The following TLE4 variants were observed in gnomAD, a reference collection of about 807,000 sequenced individuals.
TLE4 encodes TLE family member 4, transcriptional corepressor, also known as transducin-like enhancer protein 4.
TLE4 carries 8 observed loss-of-function variants against 92.8 expected under a neutral mutation model. That is an observed-to-expected ratio of 0.09 (90% CI 0.05 to 0.16). The LOEUF is 0.16. Ranked by LOEUF, TLE4 falls within the 10% of genes least tolerant of loss-of-function variation. The pLI, the probability that TLE4 is intolerant of heterozygous loss-of-function variation, is 1.00. For synonymous variants in TLE4, 371 were observed against 374.1 expected, an observed-to-expected ratio of 0.99 and a Z score of 0.10; for missense variants, 675 against 997.6, an observed-to-expected ratio of 0.68 and a Z score of 4.36.
At chr9:79,649,421 A>G (rs1177782000) in intron 6 of TLE4, 1 of 171,360 alleles carries the variant, frequency 5.8e-6, no homozygotes, top group African/African-American at 2.4e-5. Context: ...AAAAGTGATT[A>G]AAATATAGTG....
At chr9:79,724,909 C>T (rs2076236230) in intron 19 of TLE4, 128 bp from the exon 20 acceptor site, 1 of 459,006 alleles carries the variant, frequency 2.2e-6, no homozygotes, top group Admixed American at 2.5e-5. Flanking sequence ...GACCACCTTT[C>T]ACCTTTCCTT....
intron 5 of TLE4, among the ~76,000 whole-genome samples, chr9:79,622,550 G>C (rs1012126280): frequency 2.0e-5 from 3 of 152,134 alleles, no homozygotes; most frequent in African/African-American, 7.2e-5. Context: ...TGATTGGGTA[G>C]CATCCTGTAA....
At chr9:79,606,202 T>TG (rs2046874961) in intron 4 of TLE4, among the ~76,000 whole-genome samples, 1 of 116,756 alleles carries the variant, frequency 8.6e-6, no homozygotes, top group Non-Finnish European at 1.8e-5. Flanking sequence ...TTTTTTTTTT[T>TG]TTTTTTTTTT....
intron 4 of TLE4, among the ~76,000 whole-genome samples, chr9:79,594,001 C>T (rs1397159422): frequency 6.6e-6 from 1 of 152,210 alleles, no homozygotes; most frequent in Non-Finnish European, 1.5e-5. Flanking sequence ...CTCAGTTCCT[C>T]ATCCATAAAA....
At chr9:79,689,800 A>G (rs560848906) in intron 8 of TLE4, among the ~76,000 whole-genome samples, 1 of 152,308 alleles carries the variant, frequency 6.6e-6, no homozygotes, top group South Asian at 2.1e-4. Context: ...ATTGATAGCA[A>G]TCACAGTGGC....
chr9:79,671,644 C>G (rs1252132361), intron 8 of TLE4: 1 of 197,186 alleles, frequency 5.1e-6, no homozygotes, highest in Non-Finnish European at 1.1e-5. Flanking sequence ...ACACACATCC[C>G]TGCACTATAA....
chr9:79,684,349 AG>A (rs2065337069), intron 8 of TLE4, among the ~76,000 whole-genome samples: 1 of 152,214 alleles, frequency 6.6e-6, no homozygotes, highest in African/African-American at 2.4e-5. Flanking sequence ...GTTAGAACCC[AG>A]GCTGCACAGC....
intron 6 of TLE4, among the ~76,000 whole-genome samples, chr9:79,636,249 A>G (rs892221442): frequency 1.3e-5 from 2 of 152,148 alleles, no homozygotes; most frequent in African/African-American, 4.8e-5. Context: ...CTTGAGCGCA[A>G]GAGTTCAAGA....
chr9:79,696,413 C>T (rs1460268595), intron 8 of TLE4, among the ~76,000 whole-genome samples: 3 of 152,066 alleles, frequency 2.0e-5, no homozygotes, highest in African/African-American at 4.8e-5. Context: ...CTGTTTAGCC[C>T]TTTTGTGGTG....
intron 3 of TLE4, among the ~76,000 whole-genome samples, chr9:79,575,206 A>G (rs892038921): frequency 2.6e-5 from 4 of 152,200 alleles, no homozygotes; most frequent in African/African-American, 9.7e-5. Flanking sequence ...AAAAATAAAA[A>G]CAAAACCTTG....
intron 4 of TLE4, among the ~76,000 whole-genome samples, chr9:79,597,863 A>G (rs751178168): frequency 2.0e-5 from 3 of 152,160 alleles, no homozygotes; most frequent in Non-Finnish European, 4.4e-5. Flanking sequence ...TGTTCTGAAC[A>G]TTAAGTGAAA....
chr9:79,593,379 A>G (rs185892513), intron 4 of TLE4, among the ~76,000 whole-genome samples: 19 of 152,240 alleles, frequency 1.2e-4, no homozygotes, highest in Admixed American at 9.2e-4. Flanking sequence ...ACTAATTTAT[A>G]GGCAATTTGA....
intron 8 of TLE4, among the ~76,000 whole-genome samples, chr9:79,662,732 T>G (rs2134498011): frequency 6.6e-6 from 1 of 152,240 alleles, no homozygotes; most frequent in East Asian, 1.9e-4. Flanking sequence ...GGCCCCGGGT[T>G]CCTGTCAGTC....
At chr9:79,717,975 T>C (rs976791384) in intron 14 of TLE4, 3 of 456,478 alleles carry the variant, frequency 6.6e-6, no homozygotes, top group Non-Finnish European at 1.3e-5. Context: ...GGGGAGACGC[T>C]CTTACTTAAG....
Position 79,722,585 on chromosome 9 carries a change from C to G in TLE4, c.2121C>G (p.Leu707=). 6.2e-7 allele frequency: 1 copy of G among 1,614,054 alleles called. No individual in the cohort carries two copies. Among genetic ancestry groups the G allele is most frequent in the Non-Finnish European group, 8.5e-7 (1 of 1,179,998 alleles). Residue 707 remains leucine, a synonymous_variant, in exon 18 of 20, where the codon CTC becomes CTG. Transcript: ENST00000376552. ...LHLHESCVLS[L]KFAHCGKWFV... ...TTCATGAGAGCTGTGTGCTGTCGCT[C>G]AAGTTTGCCCATTGTGGTAAGCAAG...
rs779291370 is a variant in TLE4 at position 79,722,940 on chromosome 9, C to G, written c.2138-19C>G. The G allele has an allele frequency of 1.2e-6, 2 of 1,610,980 alleles. No individual in the cohort carries two copies. Among genetic ancestry groups the G allele is most frequent in the Admixed American group, 3.4e-5 (2 of 59,298 alleles). On this transcript the variant is annotated intron_variant, in intron 18 of 19. Transcript: ENST00000376552. ...AGAGTAACACAAACATTGCCTTTTTCAAAACCCTTTACCTATAGGCAAATG... is the reference window on the plus strand; with the variant it reads ...AGAGTAACACAAACATTGCCTTTTTGAAAACCCTTTACCTATAGGCAAATG...
chr9:79,603,987 T>C (rs2046267228), intron 4 of TLE4, among the ~76,000 whole-genome samples: 1 of 152,094 alleles, frequency 6.6e-6, no homozygotes, highest in African/African-American at 2.4e-5. Flanking sequence ...CATTTCCAGG[T>C]GATTAGTATG....
rs753612094 is a variant in TLE4 at position 79,574,867 on chromosome 9, G to C, written c.144-6G>C. On this transcript the variant is annotated splice_region_variant and splice_polypyrimidine_tract_variant and intron_variant, in intron 2 of 19. Coordinates refer to ENST00000376552, the MANE Select transcript of TLE4 (RefSeq NM_007005.6). ...TTGTACTTAGAGTATCTTATGTCTTGAACAGTCTGAAGCTGGAATGTGAGA... is the reference window on the plus strand; with the variant it reads ...TTGTACTTAGAGTATCTTATGTCTTCAACAGTCTGAAGCTGGAATGTGAGA... The C allele has an allele frequency of 6.2e-7, 1 of 1,612,100 alleles. No homozygotes were observed. The highest frequency in any genetic ancestry group is 1.1e-5 in the South Asian group (1 of 90,940).
chr9:79,607,825 G>A (rs2047439413), intron 4 of TLE4, among the ~76,000 whole-genome samples: 1 of 152,048 alleles, frequency 6.6e-6, no homozygotes, highest in South Asian at 2.1e-4. Context: ...TTTGAAATCA[G>A]GTAGCATGGT....
Sources: allele counts gnomAD v4.1 joint callset (sites outside exome capture counted in the v4.1 genomes callset), GRCh38; gene constraint gnomAD v4.1.1; transcripts MANE v1.5; gene names NCBI Gene and HGNC (gene_info 2026-07-23, HGNC 2026-07-21).